LRBA: variants seen among roughly 807,000 people sequenced by gnomAD.
LRBA encodes the protein lipopolysaccharide-responsive and beige-like anchor protein.
A neutral mutation model predicts 330.0 loss-of-function variants in LRBA; 176 were observed. The observed-to-expected ratio is 0.53, with a 90% confidence interval of 0.47 to 0.60. The LOEUF (loss-of-function observed/expected upper bound fraction) is 0.60. LRBA is among the 20% of genes least tolerant of loss of function. The probability of loss-of-function intolerance (pLI) is 0.00; values close to 1 mark genes in which losing one functional copy is unlikely to be tolerated. For missense variants in LRBA, 3,259 were observed against 3,444.8 expected (o/e 0.95, Z 1.35); for synonymous variants, 1,230 against 1,193.0 (o/e 1.03, Z -0.64).
intron 49 of LRBA, among the ~76,000 whole-genome samples, chr4:150,325,328 G>A (rs1285095861): frequency 6.6e-6 from 1 of 152,094 alleles, no homozygotes; most frequent in Non-Finnish European, 1.5e-5. Flanking sequence ...GTTTTGGGTG[G>A]TTTGTTATAC....
At chr4:150,474,646 T>A (rs944250409) in intron 42 of LRBA, among the ~76,000 whole-genome samples, 1 of 152,174 alleles carries the variant, frequency 6.6e-6, no homozygotes, top group East Asian at 1.9e-4. Context: ...TTTATTAAGG[T>A]CTATTTTTAA....
intron 37 of LRBA, among the ~76,000 whole-genome samples, chr4:150,606,866 G>A (rs1774691468): frequency 6.6e-6 from 1 of 152,182 alleles, no homozygotes; most frequent in South Asian, 2.1e-4. Flanking sequence ...GTTACATGAA[G>A]AGAAGGGTTT....
At chr4:150,369,961 G>A (rs187865476) in intron 47 of LRBA, among the ~76,000 whole-genome samples, 4 of 152,154 alleles carry the variant, frequency 2.6e-5, no homozygotes, top group Admixed American at 1.3e-4. Flanking sequence ...CCTTGTACAC[G>A]TGCCTTAGGG....
At chr4:150,770,605 ACAC>A (rs1736427745) in intron 34 of LRBA, among the ~76,000 whole-genome samples, 2 of 151,664 alleles carry the variant, frequency 1.3e-5, no homozygotes, top group South Asian at 4.2e-4. Flanking sequence ...ACACACACAC[ACAC>A]AAACACATAT....
At chr4:150,582,658 C>T (rs1460080367) in intron 40 of LRBA, 1 of 193,752 alleles carries the variant, frequency 5.2e-6, no homozygotes, top group Non-Finnish European at 1.1e-5. Flanking sequence ...CTAAGCCTAA[C>T]CTTTTGGTAT....
intron 40 of LRBA, among the ~76,000 whole-genome samples, chr4:150,519,626 T>A (rs1762720888): frequency 6.6e-6 from 1 of 152,220 alleles, no homozygotes; most frequent in African/African-American, 2.4e-5. Flanking sequence ...AACATTCAAG[T>A]AGTTTACTAA....
chr4:150,775,452 A>AACACACACACAC, intron 34 of LRBA, among the ~76,000 whole-genome samples: 1 of 33,910 alleles, frequency 2.9e-5, no homozygotes, highest in South Asian at 7.3e-4. Context: ...TCTGCAATGG[A>AACACACACACAC]ACACACACAC....
chr4:150,732,535 C>T (rs989252471), intron 36 of LRBA, among the ~76,000 whole-genome samples: 3 of 152,166 alleles, frequency 2.0e-5, no homozygotes, highest in African/African-American at 7.2e-5. Flanking sequence ...ATCTAATTTA[C>T]ATAGGAATCC....
intron 30 of LRBA, 50 bp downstream of exon 30, chr4:150,828,121 CCATGTTGTT>C (rs1746547686): frequency 6.6e-7 from 1 of 1,509,954 alleles, no homozygotes; most frequent in African/African-American, 1.4e-5. Flanking sequence ...TCCCTAACCC[CCATGTTGTT>C]CAAGGGTCAG....
Position 151,014,665 on chromosome 4 carries a change from A to C in LRBA, c.-23T>G. On this transcript the variant is annotated 5_prime_UTR_variant, in exon 2 of 57. Transcript: ENST00000651943. Reference sequence around the variant, plus strand: ...CATTGCTAGCTCACGATAAAGGACAACTCAGAGTCACCCTGGGACGGCAGT... The same window carrying C: ...CATTGCTAGCTCACGATAAAGGACACCTCAGAGTCACCCTGGGACGGCAGT... 2.6e-6 allele frequency: 4 copies of C among 1,535,662 alleles called. No individual in the cohort carries two copies. The highest frequency in any genetic ancestry group is 3.6e-6 in the Non-Finnish European group (4 of 1,125,452).
At chr4:150,520,313 G>T (rs998997207) in intron 40 of LRBA, among the ~76,000 whole-genome samples, 1 of 152,020 alleles carries the variant, frequency 6.6e-6, no homozygotes, top group African/African-American at 2.4e-5. Flanking sequence ...AGATAAATTT[G>T]GGGAGAAATG....
At chr4:150,519,092 T>C (rs1291936408) in intron 40 of LRBA, among the ~76,000 whole-genome samples, 2 of 152,182 alleles carry the variant, frequency 1.3e-5, no homozygotes, top group Non-Finnish European at 2.9e-5. Context: ...ATAGCAATAT[T>C]TAAATGAGAC....
At chr4:150,686,164 T>C (rs561974224) in intron 36 of LRBA, among the ~76,000 whole-genome samples, 30 of 152,300 alleles carry the variant, frequency 2.0e-4, no homozygotes, top group Admixed American at 3.9e-4. Context: ...AGATCTAAGA[T>C]TGGGTCAATC....
intron 40 of LRBA, among the ~76,000 whole-genome samples, chr4:150,493,722 T>C (rs1475082268): frequency 1.3e-5 from 2 of 152,202 alleles, no homozygotes; most frequent in Non-Finnish European, 2.9e-5. Context: ...CTAGTTTCCA[T>C]TGGTACTTGA....
At chr4:150,443,489 T>A (rs952051202) in intron 44 of LRBA, among the ~76,000 whole-genome samples, 3 of 152,038 alleles carry the variant, frequency 2.0e-5, no homozygotes, top group South Asian at 2.1e-4. Context: ...AAATGTGGCA[T>A]ATATACACCA....
chr4:150,962,308 A>G (rs1448558475), intron 2 of LRBA, among the ~76,000 whole-genome samples: 1 of 149,174 alleles, frequency 6.7e-6, no homozygotes, highest in African/African-American at 2.6e-5. Context: ...GCTTCAGTCC[A>G]GGTGTGCAAA....
intron 44 of LRBA, among the ~76,000 whole-genome samples, chr4:150,439,044 T>C (rs956715910): frequency 2.0e-5 from 3 of 152,236 alleles, no homozygotes; most frequent in Non-Finnish European, 2.9e-5. Flanking sequence ...AAGGATTCTT[T>C]CTTTGTTACA....
intron 41 of LRBA, among the ~76,000 whole-genome samples, chr4:150,488,948 T>C (rs1407938943): frequency 7.5e-6 from 1 of 133,780 alleles, no homozygotes; most frequent in Non-Finnish European, 1.6e-5. Context: ...CGAGAATATA[T>C]ATAACATATA....
chr4:150,702,933 G>A (rs1308770260), intron 36 of LRBA, among the ~76,000 whole-genome samples: 1 of 152,202 alleles, frequency 6.6e-6, no homozygotes, highest in Non-Finnish European at 1.5e-5. Flanking sequence ...GCCAAGGCAG[G>A]GGGATCACCT....
Sources: gnomAD v4.1 joint callset for allele counts (sites outside exome capture counted in the v4.1 genomes callset) on GRCh38, gnomAD v4.1.1 for gene constraint, MANE v1.5 for transcripts, NCBI Gene and HGNC (gene_info 2026-07-23, HGNC 2026-07-21) for gene names.